Variants in GMPS observed in about 807,000 individuals in gnomAD.
GMPS encodes GMP synthase [glutamine-hydrolyzing].
GMPS carries 15 observed loss-of-function variants against 77.9 expected under a neutral mutation model. That is an observed-to-expected ratio of 0.19 (90% CI 0.13 to 0.30). The LOEUF is 0.30. Ranked by LOEUF, GMPS falls within the 10% of genes least tolerant of loss-of-function variation. The pLI, the probability that GMPS is intolerant of heterozygous loss-of-function variation, is 1.00. For synonymous variants in GMPS, 224 were observed against 275.9 expected (o/e 0.81, Z 1.86); for missense variants, 590 against 838.8 (o/e 0.70, Z 3.66).
At chr3:155,875,322 C>T (rs865828662) in intron 1 of GMPS, among the ~76,000 whole-genome samples, 1 of 152,168 alleles carries the variant, frequency 6.6e-6, no homozygotes, top group Non-Finnish European at 1.5e-5. Flanking sequence ...CCTCCGCCTC[C>T]CAGGCTCAAG....
chr3:155,934,823 G>C, intron 13 of GMPS, 93 bp from the exon 14 acceptor site: 1 of 802,832 alleles, frequency 1.2e-6, no homozygotes, highest in Non-Finnish European at 2.1e-6. Context: ...TGGAAAGAAT[G>C]TTACTGTTCT....
intron 10 of GMPS, 138 bp downstream of exon 10, chr3:155,919,476 T>C: frequency 1.8e-6 from 1 of 571,252 alleles, no homozygotes; most frequent in South Asian, 2.5e-5. Flanking sequence ...GGTTAGGGAA[T>C]AATTGAAATC....
chr3:155,895,627 C>T (rs1033963373), intron 2 of GMPS: 4 of 152,068 alleles, frequency 2.6e-5, no homozygotes, highest in African/African-American at 9.7e-5. Flanking sequence ...TTTTTAGAAG[C>T]TTGATCTGCC....
Position 155,870,862 on chromosome 3 carries a change from C to T in GMPS, c.-9C>T. The T allele has an allele frequency of 6.6e-7, 1 of 1,505,044 alleles. No individual in the cohort carries two copies. The highest frequency in any genetic ancestry group is 8.8e-7 in the Non-Finnish European group (1 of 1,129,964). 93.2% of individuals were successfully genotyped at this position (1,505,044 alleles called of 1,614,324 possible). On this transcript the variant is annotated 5_prime_UTR_variant, in exon 1 of 16. Transcript: ENST00000496455. ...CGCCGTCACCGCCGCGGCTCCGGCCCTGGCCCCGATGGCTCTGTGCAACGG... is the reference window on the plus strand; with the variant it reads ...CGCCGTCACCGCCGCGGCTCCGGCCTTGGCCCCGATGGCTCTGTGCAACGG...
chr3:155,904,446 C>T (rs527421347), intron 4 of GMPS, among the ~76,000 whole-genome samples: 6 of 151,904 alleles, frequency 3.9e-5, no homozygotes, highest in African/African-American at 7.2e-5. Flanking sequence ...TGAACCACCA[C>T]GCCCGGCTAA....
At chr3:155,888,951 G>A (rs1754402427) in intron 1 of GMPS, among the ~76,000 whole-genome samples, 1 of 151,838 alleles carries the variant, frequency 6.6e-6, no homozygotes, top group Non-Finnish European at 1.5e-5. Context: ...GAACTCATGG[G>A]CTCAAGCGAT....
chr3:155,930,506 A>C (rs1755586005), intron 12 of GMPS, among the ~76,000 whole-genome samples: 1 of 151,378 alleles, frequency 6.6e-6, no homozygotes, highest in Non-Finnish European at 1.5e-5. Context: ...CAAAATTGAC[A>C]AATGGGATCT....
intron 3 of GMPS, among the ~76,000 whole-genome samples, chr3:155,900,744 CT>C (rs1754715601): frequency 6.6e-6 from 1 of 152,036 alleles, no homozygotes; most frequent in Admixed American, 6.6e-5. Context: ...ATCAGCTGAA[CT>C]TTTGTAGTAA....
intron 5 of GMPS, among the ~76,000 whole-genome samples, chr3:155,909,029 C>G (rs1261095328): frequency 6.6e-6 from 1 of 152,124 alleles, no homozygotes; most frequent in East Asian, 1.9e-4. Context: ...AAGGAATAGA[C>G]AGTAAAATAA....
chr3:155,917,702 G>A (rs545610153), intron 9 of GMPS, among the ~76,000 whole-genome samples: 6 of 151,968 alleles, frequency 3.9e-5, no homozygotes, highest in South Asian at 4.2e-4. Flanking sequence ...ATGAAACCCC[G>A]TCTTTACTAA....
At position 155,922,247 on chromosome 3, in the gene GMPS, C is replaced by A; in HGVS notation, c.1379C>A (p.Pro460His). The change falls in exon 11 of 16, where the codon CCT (proline) becomes CAT (histidine). Residue 460 changes from proline (P) to histidine (H), a missense_variant. Pro to His is a moderately conservative substitution (Grantham distance 77, BLOSUM62 -2). This residue lies in a region of GMPS where 64 missense variants were observed against 114.5 expected (regional missense o/e 0.56). Coordinates refer to ENST00000496455, the MANE Select transcript of GMPS (RefSeq NM_003875.3). The stretch of plus-strand genomic sequence containing the variant: ...GAACCTTATATTTGTAAGGACTTTC[C>A]TGAAACCAACAATATTTTGAAAATA... The part of the protein sequence containing the change: ...AEEPYICKDF[P>H]ETNNILKIVA... 6.4e-7 allele frequency: 1 copy of A among 1,564,298 alleles called. No homozygotes were observed. The highest frequency in any genetic ancestry group is 2.3e-5 in the East Asian group (1 of 43,280).
chr3:155,874,851 C>T (rs1191683159), intron 1 of GMPS, among the ~76,000 whole-genome samples: 1 of 151,396 alleles, frequency 6.6e-6, no homozygotes, highest in African/African-American at 2.4e-5. Context: ...TTATTTGCTA[C>T]CCAGAATAAT....
chr3:155,908,151 A>G (rs528600120), intron 5 of GMPS, among the ~76,000 whole-genome samples: 1 of 152,400 alleles, frequency 6.6e-6, no homozygotes, highest in East Asian at 1.9e-4. Flanking sequence ...TGTAGTAATC[A>G]GGAGAGAGAC....
intron 1 of GMPS, among the ~76,000 whole-genome samples, chr3:155,878,752 T>C (rs772706339): frequency 3.0e-4 from 45 of 152,310 alleles, no homozygotes; most frequent in South Asian, 1.0e-3. Context: ...TTATGGAGGC[T>C]GAGAAGTCCC....
chr3:155,876,684 T>C (rs78367848), intron 1 of GMPS, among the ~76,000 whole-genome samples: 1,848 of 152,344 alleles, frequency 0.012, 23 homozygotes, highest in Middle Eastern at 0.024. Flanking sequence ...GAGCACATAT[T>C]GTTCTGAGTT....
Position 155,899,322 on chromosome 3 carries a change from C to A in GMPS, c.324+1281C>A, listed in dbSNP as rs187020455. Among the ~76,000 whole-genome samples the A allele has an allele frequency of 1.4e-3, 216 of 151,658 alleles. 1 individual carries two copies. The highest frequency in any genetic ancestry group is 6.9e-3 in the Middle Eastern group (2 of 290). On this transcript the variant is annotated intron_variant, in intron 3 of 15. Transcript: ENST00000496455. ...GGCGGAGGTTGCGGTGAGTGGAGAT[C>A]ATGCCGTTGCACTCCAGCCTCAGTG...
intron 11 of GMPS, among the ~76,000 whole-genome samples, chr3:155,923,879 TTTTG>T (rs1353022873): frequency 6.6e-6 from 1 of 152,110 alleles, no homozygotes; most frequent in Non-Finnish European, 1.5e-5. Context: ...TTGTTTTTTT[TTTTG>T]TTTGTTTGTT....
intron 2 of GMPS, among the ~76,000 whole-genome samples, chr3:155,897,183 G>A (rs753392840): frequency 3.9e-5 from 6 of 152,102 alleles, no homozygotes; most frequent in Non-Finnish European, 7.3e-5. Context: ...AAATGTTTAA[G>A]TTTTTTTGAG....
At chr3:155,911,853 A>AT (rs1755046467) in intron 7 of GMPS, among the ~76,000 whole-genome samples, 1 of 152,002 alleles carries the variant, frequency 6.6e-6, no homozygotes. Flanking sequence ...AAAAAAAAAA[A>AT]AAGAAATTAT....
Sources: allele counts gnomAD v4.1 joint callset (sites outside exome capture counted in the v4.1 genomes callset), GRCh38; gene constraint gnomAD v4.1.1; regional missense constraint gnomAD v4.1.1; transcripts MANE v1.5; gene names NCBI Gene and HGNC (gene_info 2026-07-23, HGNC 2026-07-21).